SLC17A9: variants seen among roughly 807,000 people sequenced by gnomAD.
The protein encoded by SLC17A9 is solute carrier family 17 member 9, also known as voltage-gated purine nucleotide uniporter SLC17A9.
In SLC17A9, 49 loss-of-function variants were observed where a neutral mutation model predicts 55.0. The observed-to-expected ratio is 0.89, with a 90% confidence interval of 0.71 to 1.13. SLC17A9 has a LOEUF of 1.13. Among genes scored for constraint, SLC17A9 ranks in the 50% most tolerant of loss-of-function variants. The pLI is 0.00. For synonymous variants in SLC17A9, 256 were observed against 247.4 expected, an observed-to-expected ratio of 1.03 and a Z score of -0.32; for missense variants, 526 against 569.3, an observed-to-expected ratio of 0.92 and a Z score of 0.77.
rs1309626954 is a variant in SLC17A9, at chr20:62,967,366, T to C, written c.1177T>C (p.Leu393=). 13 of 1,613,998 alleles carry C rather than the reference T, an allele frequency of 8.1e-6. No individual in the cohort carries two copies. Among genetic ancestry groups the C allele is most frequent in the Non-Finnish European group, 9.3e-6 (11 of 1,180,012 alleles). ...CGTGGGTGTGTGTCTAGGCGGCTAC[T>C]TGATGGAGACCACGGGCTCCTGGAC... The part of the protein sequence containing the change: ...GVVGVCLGGY[L]METTGSWTCL... Residue 393 remains leucine, a synonymous_variant, in exon 13 of 13, where the codon TTG becomes CTG. Transcript: ENST00000370351.
At position 62,959,639 on chromosome 20, in the gene SLC17A9, G is replaced by A. The variant is rs149747781; in HGVS notation, c.398-865G>A. Among the ~76,000 whole-genome samples, 12 of 152,350 alleles carry A rather than the reference G, an allele frequency of 7.9e-5. No individual in the cohort carries two copies. The South Asian group carries it at 2.1e-3, about 26-fold the overall frequency. ...CGCCAGGCGGCCCCCAGCCTCCCTC[G>A]AGGGAGCGAGGGAACGGGCCCTGCC... On this transcript the variant is annotated intron_variant, in intron 3 of 12. Transcript: ENST00000370351.
chr20:62,953,168 A>C, intron 1 of SLC17A9: 1 of 1,542,102 alleles, frequency 6.5e-7, no homozygotes, highest in Non-Finnish European at 8.8e-7. Flanking sequence ...TCCCCAGGCC[A>C]GGGGCATTGT....
chr20:62,956,615 G>A lies in SLC17A9; in HGVS notation c.60-150G>A, dbSNP rs941238769. The A allele has an allele frequency of 2.3e-4, 158 of 696,928 alleles. No individual in the cohort carries two copies. In the South Asian group the frequency reaches 2.4e-3, roughly 11 times the overall value. The allele number at this position is 696,928 out of a possible 1,614,324, so 43.2% of individuals were successfully genotyped here. On this transcript the variant is annotated intron_variant, in intron 1 of 12. Transcript: ENST00000370351. ...GGGGTCAGCAGATAGGTGCGATTAGGTGTTTGAATGCTTGCCAAGTTGCCC... is the reference window on the plus strand; with the variant it reads ...GGGGTCAGCAGATAGGTGCGATTAGATGTTTGAATGCTTGCCAAGTTGCCC...
In SLC17A9 at chr20:62,967,527, A is replaced by G; in HGVS notation, c.*27A>G. On this transcript the variant is annotated 3_prime_UTR_variant, in exon 13 of 13. Coordinates refer to ENST00000370351, the MANE Select transcript of SLC17A9 (RefSeq NM_022082.4). ...TCCCAACCCCACAGCCTCTCCAAGGACCCAGGCGCCAGCAGCCCCAGGACA... is the reference window on the plus strand; with the variant it reads ...TCCCAACCCCACAGCCTCTCCAAGGGCCCAGGCGCCAGCAGCCCCAGGACA... 6.2e-7 allele frequency: 1 copy of G among 1,605,504 alleles called. No individual in the cohort carries two copies. The highest frequency in any genetic ancestry group is 8.5e-7 in the Non-Finnish European group (1 of 1,174,770).
At position 62,958,969 on chromosome 20, in the gene SLC17A9, TC is replaced by T. The variant is rs1429267522; in HGVS notation, c.397+1391del. 1.3e-5 allele frequency among the ~76,000 whole-genome samples: 2 copies of T among 152,046 alleles called. No homozygotes were observed. The highest frequency in any genetic ancestry group is 2.9e-5 in the Non-Finnish European group (2 of 67,984). ...GAGGCCCCATCCCAGAGCCAGCCCC[TC>T]CAGCATCACCGCCTCCCCAGGCACT... On this transcript the variant is annotated intron_variant, in intron 3 of 12. Coordinates refer to ENST00000370351, the MANE Select transcript of SLC17A9 (RefSeq NM_022082.4). The surrounding 1 kb of genome is among the most constrained non-coding windows in gnomAD (Gnocchi z 4.1).
intron 5 of SLC17A9, 111 bp from the exon 6 acceptor site, chr20:62,963,162 T>C: frequency 1.8e-6 from 2 of 1,112,766 alleles, no homozygotes; most frequent in South Asian, 1.3e-5. Context: ...ACCTGAGGCA[T>C]GGACGAGGCC....
rs925986784 is a variant in SLC17A9, at chr20:62,957,691, AGT to A, written c.397+120_397+121del. Reference sequence around the variant, plus strand: ...CATGCGTGCATGCAGGTGGTGTACAAGTGTGTGTGTATGGGCATGCCCGCGTG... The same window carrying A: ...CATGCGTGCATGCAGGTGGTGTACAAGTGTGTGTATGGGCATGCCCGCGTG... On this transcript the variant is annotated intron_variant, in intron 3 of 12. Transcript: ENST00000370351. 18 of 988,984 alleles carry A rather than the reference AGT, an allele frequency of 1.8e-5. No individual in the cohort carries two copies. The East Asian group carries it at 3.0e-4, about 17-fold the overall frequency. 61.3% of individuals were successfully genotyped at this position (988,984 alleles called of 1,614,324 possible).
intron 4 of SLC17A9, among the ~76,000 whole-genome samples, chr20:62,961,464 A>G (rs945615606): frequency 1.3e-5 from 2 of 152,022 alleles, no homozygotes; most frequent in Non-Finnish European, 2.9e-5. Context: ...CAGACCCTCT[A>G]GCGATGCTGG....
chr20:62,963,912 C>A (rs1012003574), intron 7 of SLC17A9: 10 of 595,980 alleles, frequency 1.7e-5, no homozygotes, highest in Non-Finnish European at 2.7e-5. Flanking sequence ...CTTCCTGCTG[C>A]GGCTGCAGCC....
intron 8 of SLC17A9, 27 bp from the exon 9 acceptor site, chr20:62,965,105 A>C (rs1262929176): frequency 1.2e-6 from 2 of 1,613,742 alleles, no homozygotes; most frequent in Non-Finnish European, 1.7e-6. Flanking sequence ...GGCTAACGGG[A>C]GCCCCTTCCT....
At position 62,966,547 on chromosome 20, in the gene SLC17A9, G is replaced by T; in HGVS notation, c.1084G>T (p.Asp362Tyr). ...NHSGISVNIQ[D>Y]LAPSCAGFLF... Reference sequence around the variant, plus strand: ...CAGTGGCATTTCTGTTAACATCCAGGACTTGGCCCCGTCCTGCGCCGGCTT... The same window carrying T: ...CAGTGGCATTTCTGTTAACATCCAGTACTTGGCCCCGTCCTGCGCCGGCTT... Residue 362 changes from aspartate (D) to tyrosine (Y), a missense_variant, in exon 11 of 13, where the codon GAC (aspartate) becomes TAC (tyrosine). Asp to Tyr is a radical substitution (Grantham distance 160). Coordinates refer to ENST00000370351, the MANE Select transcript of SLC17A9 (RefSeq NM_022082.4). The T allele has an allele frequency of 1.2e-6, 2 of 1,614,054 alleles. No individual in the cohort carries two copies. The highest frequency in any genetic ancestry group is 1.1e-5 in the South Asian group (1 of 91,082).
chr20:62,964,425 G>T, intron 8 of SLC17A9, 110 bp downstream of exon 8: 1 of 1,065,644 alleles, frequency 9.4e-7, no homozygotes, highest in African/African-American at 1.5e-5. Flanking sequence ...ACGGAGAGCT[G>T]GGACAGAGGG....
chr20:62,959,017 C>G (rs933284840), intron 3 of SLC17A9, among the ~76,000 whole-genome samples: 3 of 152,158 alleles, frequency 2.0e-5, no homozygotes, highest in Admixed American at 1.3e-4. Context: ...ACTGCAGGAG[C>G]TGGAGGAGGA....
intron 12 of SLC17A9, 110 bp from the exon 13 acceptor site, chr20:62,967,227 C>G (rs2065648859): frequency 7.6e-7 from 1 of 1,316,660 alleles, no homozygotes; most frequent in African/African-American, 1.5e-5. Flanking sequence ...GGGCTCCTAT[C>G]AGGCGCTAGA....
At position 62,967,405 on chromosome 20, in the gene SLC17A9, C is replaced by G; in HGVS notation, c.1216C>G (p.Leu406Val). ...GGGCTCCTGGACTTGCCTGTTCAAC[C>G]TTGTGGCCATCATCAGCAACCTGGG... is the stretch of plus-strand genomic sequence containing the variant. ...TTGSWTCLFNLVAIISNLGLC... is the reference protein window; with the variant it reads ...TTGSWTCLFNVVAIISNLGLC... Residue 406 changes from leucine (L) to valine (V), a missense_variant, in exon 13 of 13, where the codon CTT (leucine) becomes GTT (valine). Coordinates refer to ENST00000370351, the MANE Select transcript of SLC17A9 (RefSeq NM_022082.4). The G allele has an allele frequency of 6.2e-7, 1 of 1,614,208 alleles. No homozygotes were observed. The highest frequency in any genetic ancestry group is 8.5e-7 in the Non-Finnish European group (1 of 1,180,024).
chr20:62,956,962 G>A lies in SLC17A9; in HGVS notation c.257G>A (p.Arg86Gln), dbSNP rs770224153. 14 of 1,613,162 alleles carry A rather than the reference G, an allele frequency of 8.7e-6. No individual in the cohort carries two copies. Among genetic ancestry groups the A allele is most frequent in the East Asian group, 2.2e-5 (1 of 44,896 alleles). ...GTTGTGGGCGGCCACCTCGGGGATC[G>A]GTAACTGCCCATCTTCCCCATCTCC... ...TQVVGGHLGDRIGGEKVILLS... is the reference protein window; with the variant it reads ...TQVVGGHLGDQIGGEKVILLS... The change falls in exon 2 of 13, where the codon CGG becomes CAG. Residue 86 changes from arginine (R) to glutamine (Q), a missense_variant and splice_region_variant. Transcript: ENST00000370351.
intron 10 of SLC17A9, 92 bp downstream of exon 10, chr20:62,965,817 C>A: frequency 8.3e-7 from 1 of 1,201,740 alleles, no homozygotes; most frequent in Non-Finnish European, 1.2e-6. Flanking sequence ...CCGCCTCTCT[C>A]AGTCTCTTCC....
At position 62,967,522 on chromosome 20, in the gene SLC17A9, C is replaced by T. The variant is rs376345264; in HGVS notation, c.*22C>T. The T allele has an allele frequency of 2.1e-5, 33 of 1,608,058 alleles. No individual in the cohort carries two copies. Among genetic ancestry groups the T allele is most frequent in the Non-Finnish European group, 2.8e-5 (33 of 1,176,232 alleles). ...CTAGCTCCCAACCCCACAGCCTCTC[C>T]AAGGACCCAGGCGCCAGCAGCCCCA... On this transcript the variant is annotated 3_prime_UTR_variant, in exon 13 of 13. Coordinates refer to ENST00000370351, the MANE Select transcript of SLC17A9 (RefSeq NM_022082.4).
intron 7 of SLC17A9, chr20:62,963,951 C>T: frequency 1.7e-6 from 1 of 595,772 alleles, no homozygotes; most frequent in Non-Finnish European, 3.0e-6. Flanking sequence ...ACCTGCTGGC[C>T]CACAGAACCC....
Sources: allele counts gnomAD v4.1 joint callset (sites outside exome capture counted in the v4.1 genomes callset), GRCh38; gene constraint gnomAD v4.1.1; non-coding constraint Gnocchi (gnomAD v3.1); transcripts MANE v1.5; gene names NCBI Gene and HGNC (gene_info 2026-07-23, HGNC 2026-07-21).